Variants in SRFBP1 observed in about 807,000 individuals in gnomAD.
SRFBP1 encodes serum response factor-binding protein 1.
Under a neutral mutation model 45.5 loss-of-function variants are expected in SRFBP1, and 47 were observed. The observed-to-expected ratio is 1.03, with a 90% CI of 0.82 to 1.32. SRFBP1 has a LOEUF of 1.32. Among genes scored for constraint, SRFBP1 ranks in the 40% most tolerant of loss-of-function variants. The pLI is 0.00. For synonymous variants in SRFBP1, 203 were observed against 166.3 expected, an observed-to-expected ratio of 1.22 and a Z score of -1.70; for missense variants, 621 against 484.6, an observed-to-expected ratio of 1.28 and a Z score of -2.64.
At chr5:122,024,543 G>A (rs1753433359) in intron 7 of SRFBP1, among the ~76,000 whole-genome samples, 1 of 152,114 alleles carries the variant, frequency 6.6e-6, no homozygotes, top group African/African-American at 2.4e-5. Context: ...AAAAGTAATG[G>A]AAGATTGAAT....
chr5:122,017,062 C>G (rs1271140254), intron 4 of SRFBP1, among the ~76,000 whole-genome samples: 1 of 152,104 alleles, frequency 6.6e-6, no homozygotes, highest in Non-Finnish European at 1.5e-5. Context: ...AACCCCATCT[C>G]TACTAAAAAT....
chr5:122,048,238 G>C (rs182029734), intron 2 of SRFBP1, among the ~76,000 whole-genome samples: 3 of 152,254 alleles, frequency 2.0e-5, no homozygotes, highest in African/African-American at 7.2e-5. Flanking sequence ...CTAATTTATT[G>C]AGAGTTTTTC....
In SRFBP1 at chr5:122,020,374, AGT is replaced by A; in HGVS notation, c.640_641del (p.Val214PhefsTer3). 1 of 1,614,130 alleles carries A rather than the reference AGT, an allele frequency of 6.2e-7. No individual in the cohort carries two copies. The highest frequency in any genetic ancestry group is 1.7e-5 in the Admixed American group (1 of 60,024). Reference sequence around the variant, plus strand: ...CAAAGCCTTCAGAAAAGGATTCTGTAGTTTCCCTTGAGTCCCAGAAGACACCT... The same window carrying A: ...CAAAGCCTTCAGAAAAGGATTCTGTATTCCCTTGAGTCCCAGAAGACACCT... ...PSKPSEKDSV[V>X]SLESQKTPAD... On this transcript the variant is annotated frameshift_variant, in exon 6 of 8. Transcript: ENST00000339397. LOFTEE classifies it high-confidence loss of function.
rs567235963 is a variant in SRFBP1 at position 122,040,861 on chromosome 5, TAGAG to T, written n.311+18458_311+18461del. On this transcript the variant is annotated intron_variant and non_coding_transcript_variant, in intron 2 of 2. Transcript: ENST00000504881. The stretch of plus-strand genomic sequence containing the variant: ...GATCTCTGTTCAAAGGTCATCTTGT[TAGAG>T]AGAACTTCTCTGACTTCACTTAGAA... Among the ~76,000 whole-genome samples the T allele has an allele frequency of 1.0e-3, 158 of 152,288 alleles. 2 individuals are homozygous for T. The highest frequency in any genetic ancestry group is 3.7e-3 in the African/African-American group (153 of 41,574).
chr5:122,056,108 T>G (rs1754073639), intron 2 of SRFBP1, among the ~76,000 whole-genome samples: 1 of 152,218 alleles, frequency 6.6e-6, no homozygotes, highest in Non-Finnish European at 1.5e-5. Context: ...CTTGTCCGTT[T>G]TCTTTTTGTC....
chr5:121,974,849 A>G lies in SRFBP1; in HGVS notation c.126-466A>G, dbSNP rs80177322. Among the ~76,000 whole-genome samples the G allele has an allele frequency of 5.1e-3, 780 of 152,002 alleles. 20 individuals are homozygous for G. In the East Asian group the frequency reaches 0.053, roughly 10 times the overall value. ...TGTAAGCATGAATACTTAGTCTTCA[A>G]GTATGTTTTGTTCCTGATTAATTTC... On this transcript the variant is annotated intron_variant, in intron 2 of 7. Coordinates refer to ENST00000339397, the MANE Select transcript of SRFBP1 (RefSeq NM_152546.3).
chr5:122,046,657 C>T (rs1367369488), intron 2 of SRFBP1, among the ~76,000 whole-genome samples: 1 of 152,148 alleles, frequency 6.6e-6, no homozygotes, highest in African/African-American at 2.4e-5. Flanking sequence ...GTTTACAATC[C>T]CACCAACAGT....
At chr5:121,971,707 C>G (rs1185736889) in intron 1 of SRFBP1, among the ~76,000 whole-genome samples, 1 of 151,966 alleles carries the variant, frequency 6.6e-6, no homozygotes, top group Non-Finnish European at 1.5e-5. Flanking sequence ...GGACTGCCCC[C>G]TCAACTCTTA....
intron 2 of SRFBP1, chr5:122,066,414 TACTG>T (rs760079427): frequency 2.1e-4 from 57 of 271,538 alleles, no homozygotes; most frequent in Non-Finnish European, 2.9e-4. Flanking sequence ...ATTTAGATAA[TACTG>T]ACCATTTTGC....
intron 1 of SRFBP1, among the ~76,000 whole-genome samples, chr5:121,973,099 G>A (rs1213474005): frequency 6.6e-6 from 1 of 151,806 alleles, no homozygotes; most frequent in Non-Finnish European, 1.5e-5. Context: ...TTGGCAAGAA[G>A]AATTTGAGGA....
downstream of SRFBP1, among the ~76,000 whole-genome samples, chr5:122,032,085 C>G (rs900602956): frequency 6.6e-6 from 1 of 152,146 alleles, no homozygotes; most frequent in African/African-American, 2.4e-5. Context: ...ACAGGATCCA[C>G]TGAACTGCAC....
chr5:121,975,305 T>C lies in SRFBP1; in HGVS notation c.126-10T>C. The C allele has an allele frequency of 6.2e-7, 1 of 1,612,720 alleles. No individual in the cohort carries two copies. The highest frequency in any genetic ancestry group is 8.5e-7 in the Non-Finnish European group (1 of 1,178,944). Reference sequence around the variant, plus strand: ...TTGCCTGGCTACATATCGTAATGTATTTTTTGCAGGGGTACTGAAGATGCA... The same window carrying C: ...TTGCCTGGCTACATATCGTAATGTACTTTTTGCAGGGGTACTGAAGATGCA... On this transcript the variant is annotated splice_polypyrimidine_tract_variant and intron_variant, in intron 2 of 7. Coordinates refer to ENST00000339397, the MANE Select transcript of SRFBP1 (RefSeq NM_152546.3).
intron 4 of SRFBP1, among the ~76,000 whole-genome samples, chr5:122,002,703 G>A (rs1417603783): frequency 2.0e-5 from 3 of 152,006 alleles, no homozygotes; most frequent in African/African-American, 7.3e-5. Flanking sequence ...TGCGAATATT[G>A]AGAATATTGA....
At chr5:122,078,198 C>T, downstream of SRFBP1, 1 of 450,950 alleles carries the variant, frequency 2.2e-6, no homozygotes, top group Non-Finnish European at 3.8e-6. Flanking sequence ...TCCCTTTCCC[C>T]TTTCTCAGTC....
In SRFBP1 at chr5:121,997,920, C is replaced by A. The variant is rs552595418; in HGVS notation, c.270+3250C>A. 2.5e-3 allele frequency among the ~76,000 whole-genome samples: 370 copies of A among 149,826 alleles called. 2 individuals are homozygous for A. The highest frequency in any genetic ancestry group is 4.4e-3 in the Non-Finnish European group (296 of 67,048). On this transcript the variant is annotated intron_variant, in intron 4 of 7. Coordinates refer to ENST00000339397, the MANE Select transcript of SRFBP1 (RefSeq NM_152546.3). The stretch of plus-strand genomic sequence containing the variant: ...GCCAAAAAACACATGAAAAAATGCT[C>A]ATCATCACTGGCCATCAGAGAAATG...
chr5:122,040,543 C>T (rs1449861464), intron 2 of SRFBP1, among the ~76,000 whole-genome samples: 1 of 152,152 alleles, frequency 6.6e-6, no homozygotes, highest in African/African-American at 2.4e-5. Context: ...TTTTCAACGA[C>T]TACGGTATGA....
At chr5:122,050,884 A>ATTTAGT (rs1369681126) in intron 2 of SRFBP1, among the ~76,000 whole-genome samples, 8 of 152,084 alleles carry the variant, frequency 5.3e-5, no homozygotes, top group Non-Finnish European at 8.8e-5. Context: ...TAATGTGGGC[A>ATTTAGT]TTTAGTACTA....
At chr5:121,986,324 G>A (rs1055073262) in intron 3 of SRFBP1, among the ~76,000 whole-genome samples, 1 of 151,940 alleles carries the variant, frequency 6.6e-6, no homozygotes, top group African/African-American at 2.4e-5. Context: ...AGATCATCAC[G>A]GGCTTAAAAT....
At position 122,020,512 on chromosome 5, in the gene SRFBP1, A is replaced by T; in HGVS notation, c.777A>T (p.Glu259Asp). 1 of 1,614,168 alleles carries T rather than the reference A, an allele frequency of 6.2e-7. No homozygotes were observed. Among genetic ancestry groups the T allele is most frequent in the Non-Finnish European group, 8.5e-7 (1 of 1,180,008 alleles). Residue 259 changes from glutamate to aspartate, a missense_variant, in exon 6 of 8, where the codon GAA becomes GAT. Transcript: ENST00000339397. ...AAGAATTTTGTGAAGAGGAGAAGGA[A>T]TATTTTGATGATAGCACAGAAGAAA... is the stretch of plus-strand genomic sequence containing the variant. ...GGEEFCEEEKEYFDDSTEERF... is the reference protein window; with the variant it reads ...GGEEFCEEEKDYFDDSTEERF...
Sources: allele counts gnomAD v4.1 joint callset (sites outside exome capture counted in the v4.1 genomes callset), GRCh38; gene constraint gnomAD v4.1.1; transcripts MANE v1.5; gene names NCBI Gene and HGNC (gene_info 2026-07-23, HGNC 2026-07-21).